Variants in PMPCA observed in about 807,000 individuals in gnomAD.
The protein encoded by PMPCA is peptidase, mitochondrial processing subunit alpha.
A neutral mutation model predicts 59.3 loss-of-function variants in PMPCA; 47 were observed. The observed-to-expected ratio is 0.79, with a 90% CI of 0.63 to 1.01. The LOEUF (loss-of-function observed/expected upper bound fraction) is 1.01, where lower values mean the gene tolerates loss of function less well. Among genes scored for constraint, PMPCA ranks in the 50% least tolerant of loss-of-function variants. The probability of loss-of-function intolerance (pLI) is 0.00; values close to 1 mark genes in which losing one functional copy is unlikely to be tolerated. For synonymous variants in PMPCA, 338 were observed against 290.3 expected (o/e 1.16, Z -1.67); for missense variants, 726 against 704.5 (o/e 1.03, Z -0.34).
chr9:136,418,653 C>A lies in PMPCA; in HGVS notation c.1089C>A (p.Leu363=), dbSNP rs1452876344. 1.2e-6 allele frequency: 2 copies of A among 1,611,212 alleles called. No individual in the cohort carries two copies. The highest frequency in any genetic ancestry group is 1.7e-6 in the Non-Finnish European group (2 of 1,177,428). The change falls in exon 9 of 13, where the codon CTC becomes CTA. Residue 363 remains leucine, a synonymous_variant. Coordinates refer to ENST00000371717, the MANE Select transcript of PMPCA (RefSeq NM_015160.3). ...GGPGKGMFSR[L]YLNVLNRHHW... is the part of the protein sequence containing the mutation. ...CCGGCAAGGGCATGTTCTCCAGGCT[C>A]TACCTCAACGTGCTCAACAGGTGGG...
At chr9:136,422,818 G>C in intron 12 of PMPCA, 1 of 1,243,350 alleles carries the variant, frequency 8.0e-7, no homozygotes, top group Non-Finnish European at 1.0e-6. Context: ...ATCAGACACG[G>C]AGCTCGCTCT....
At position 136,418,629 on chromosome 9, in the gene PMPCA, C is replaced by T. The variant is rs553050557; in HGVS notation, c.1065C>T (p.Pro355=). 8.3e-5 allele frequency: 134 copies of T among 1,613,732 alleles called. No individual in the cohort carries two copies. In the East Asian group the frequency reaches 1.6e-3, roughly 20 times the overall value. The change falls in exon 9 of 13, where the codon CCC becomes CCT. Residue 355 remains proline (P), a synonymous_variant. Transcript: ENST00000371717. The stretch of plus-strand genomic sequence containing the variant: ...GTGGCTCCTTCTCGGCTGGTGGGCC[C>T]GGCAAGGGCATGTTCTCCAGGCTCT... ...GGGGSFSAGG[P]GKGMFSRLYL...
intron 5 of PMPCA, among the ~76,000 whole-genome samples, chr9:136,414,905 G>GTT (rs1835232911): frequency 1.3e-5 from 2 of 152,140 alleles, no homozygotes; most frequent in Non-Finnish European, 2.9e-5. Context: ...GGGCAACATG[G>GTT]TGAAACCCTG....
At chr9:136,421,279 A>G (rs1008874223) in intron 11 of PMPCA, among the ~76,000 whole-genome samples, 19 of 152,206 alleles carry the variant, frequency 1.2e-4, no homozygotes, top group Non-Finnish European at 2.1e-4. Flanking sequence ...TGAAGAACTC[A>G]AGGGAGGCAC....
At chr9:136,411,906 C>T (rs1413378104) in intron 1 of PMPCA, 91 bp from the exon 2 acceptor site, 16 of 769,640 alleles carry the variant, frequency 2.1e-5, no homozygotes, top group Non-Finnish European at 3.4e-5. Flanking sequence ...TCACTTTTAA[C>T]CCAGACAAAA....
intron 4 of PMPCA, 85 bp from the exon 5 acceptor site, chr9:136,414,468 T>A (rs1835217521): frequency 3.4e-6 from 3 of 880,564 alleles, no homozygotes; most frequent in African/African-American, 3.3e-5. Context: ...ATTGTCCACC[T>A]GGCACGCAAA....
intron 6 of PMPCA, chr9:136,416,618 A>AT: frequency 1.6e-6 from 1 of 620,920 alleles, no homozygotes; most frequent in South Asian, 1.9e-5. Flanking sequence ...AGTAGCTGGG[A>AT]TTACAGGCGT....
At chr9:136,419,224 C>A in intron 11 of PMPCA, 118 bp downstream of exon 11, 1 of 883,910 alleles carries the variant, frequency 1.1e-6, no homozygotes, top group Non-Finnish European at 1.9e-6. Context: ...AAGGTCCCGG[C>A]AGGGCAGGGC....
rs912585512 is a variant in PMPCA at position 136,423,494 on chromosome 9, C to T, written c.*230C>T. 1.7e-5 allele frequency: 9 copies of T among 528,178 alleles called. No individual in the cohort carries two copies. Among genetic ancestry groups the T allele is most frequent in the African/African-American group, 1.1e-4 (6 of 52,624 alleles). 32.7% of individuals were successfully genotyped at this position (528,178 alleles called of 1,614,324 possible). ...GCCAGGAAGCAGGTGAAGTGCCCAG[C>T]GCTGGAGTGCAGCGTGCCACGAGGA... On this transcript the variant is annotated 3_prime_UTR_variant, in exon 13 of 13. Transcript: ENST00000371717.
chr9:136,413,482 C>G (rs1442433795), intron 4 of PMPCA, among the ~76,000 whole-genome samples: 2 of 152,094 alleles, frequency 1.3e-5, no homozygotes, highest in African/African-American at 4.8e-5. Context: ...GAATATAGAT[C>G]ACAGATTTTT....
chr9:136,416,068 A>T, intron 5 of PMPCA: 1 of 586,748 alleles, frequency 1.7e-6, no homozygotes, highest in Non-Finnish European at 3.0e-6. Flanking sequence ...TGGCTGCTTC[A>T]TGGCTGAGGC....
chr9:136,423,019 C>G, intron 12 of PMPCA, 76 bp from the exon 13 acceptor site: 4 of 1,510,712 alleles, frequency 2.6e-6, no homozygotes, highest in Non-Finnish European at 3.5e-6. Flanking sequence ...GCCGCCCCCT[C>G]CGTGTGTTTA....
Position 136,412,195 on chromosome 9 carries a change from A to C in PMPCA, c.270A>C (p.Val90=). Residue 90 remains valine (V), a synonymous_variant, in exon 2 of 13, where the codon GTA becomes GTC. Coordinates refer to ENST00000371717, the MANE Select transcript of PMPCA (RefSeq NM_015160.3). ...ATAAGTTTGGACAGTTTTGTACAGT[A>C]GGAAGTAAGTACTGTTGTGTTGTCG... ...SQNKFGQFCT[V]GILINSGSRY... is the part of the protein sequence containing the mutation. 6.2e-7 allele frequency: 1 copy of C among 1,609,596 alleles called. No homozygotes were observed. The highest frequency in any genetic ancestry group is 1.1e-5 in the South Asian group (1 of 90,978).
rs370696933 is a variant in PMPCA at position 136,415,002 on chromosome 9, C to T, written c.532+355C>T. ...ACTCGGGAGGCTGAGGTAGGAAGATCGTTTGAGCCTGGGAGGTTGAGGCTG... is the reference window on the plus strand; with the variant it reads ...ACTCGGGAGGCTGAGGTAGGAAGATTGTTTGAGCCTGGGAGGTTGAGGCTG... On this transcript the variant is annotated intron_variant, in intron 5 of 12. Transcript: ENST00000371717. Among the ~76,000 whole-genome samples, 50 of 152,260 alleles carry T rather than the reference C, an allele frequency of 3.3e-4. No homozygotes were observed. The East Asian group carries it at 5.4e-3, about 16-fold the overall frequency.
intron 11 of PMPCA, among the ~76,000 whole-genome samples, chr9:136,421,505 G>A (rs1835450630): frequency 2.6e-5 from 4 of 151,442 alleles, no homozygotes; most frequent in Admixed American, 2.0e-4. Flanking sequence ...CGCCTCCCGG[G>A]TTCATGCCAT....
In PMPCA at chr9:136,416,951, G is replaced by C; in HGVS notation, c.634G>C (p.Ala212Pro). 6.2e-7 allele frequency: 1 copy of C among 1,606,392 alleles called. No individual in the cohort carries two copies. The change falls in exon 7 of 13, where the codon GCG (alanine) becomes CCG (proline). Residue 212 changes from alanine to proline, a missense_variant and splice_region_variant. Coordinates refer to ENST00000371717, the MANE Select transcript of PMPCA (RefSeq NM_015160.3). ...TGTGTCTGTGGCTCTTCCCCATTAG[G>C]CGGCTTACAGGGAGAACACAGTTGG... ...EPLLTEMIHE[A>P]AYRENTVGLH...
chr9:136,417,143 C>T lies in PMPCA; in HGVS notation c.826C>T (p.Pro276Ser), dbSNP rs751187226. 6 of 1,613,094 alleles carry T rather than the reference C, an allele frequency of 3.7e-6. No homozygotes were observed. The Admixed American group carries it at 1.0e-4, about 27-fold the overall frequency. ...CCGGAAGTACCTCCTGGGGGTCCAG[C>T]CGGCCTGGGGGAGCGCAGAGGCCGT... ...CARKYLLGVQPAWGSAEAVDI... is the reference protein window; with the variant it reads ...CARKYLLGVQSAWGSAEAVDI... Residue 276 changes from proline (P) to serine (S), a missense_variant, in exon 7 of 13, where the codon CCG becomes TCG. Physicochemically the swap from Pro to Ser is moderately conservative, Grantham distance 74. Coordinates refer to ENST00000371717, the MANE Select transcript of PMPCA (RefSeq NM_015160.3).
At chr9:136,414,721 G>T in intron 5 of PMPCA, 74 bp downstream of exon 5, 22 of 893,260 alleles carry the variant, frequency 2.5e-5, no homozygotes, top group Middle Eastern at 2.1e-4. Context: ...CAGAAGCCCT[G>T]TAGCCATGAG....
intron 12 of PMPCA, chr9:136,422,594 G>A (rs2131597283): frequency 2.0e-6 from 2 of 1,008,952 alleles, no homozygotes; most frequent in Admixed American, 5.3e-5. Flanking sequence ...GTGGGCCCTC[G>A]TCCTTCCCTC....
Sources: gnomAD v4.1 joint callset for allele counts (sites outside exome capture counted in the v4.1 genomes callset) on GRCh38, gnomAD v4.1.1 for gene constraint, MANE v1.5 for transcripts, NCBI Gene and HGNC (gene_info 2026-07-23, HGNC 2026-07-21) for gene names.